ESR1: variants seen among roughly 807,000 people sequenced by gnomAD.
The protein encoded by ESR1 is estrogen receptor 1, also known as estrogen receptor.
A neutral mutation model predicts 52.7 loss-of-function variants in ESR1; 12 were observed. That is an observed-to-expected ratio of 0.23 (90% CI 0.15 to 0.37). The LOEUF is 0.37. Ranked by LOEUF, ESR1 falls within the 10% of genes least tolerant of loss-of-function variation. The pLI is 1.00. For synonymous variants in ESR1, 305 were observed against 316.8 expected (o/e 0.96, Z 0.39); for missense variants, 584 against 779.7 (o/e 0.75, Z 2.99).
chr6:151,658,022 C>T (rs851970), intron 1 of ESR1, among the ~76,000 whole-genome samples: 108,202 of 152,056 alleles, frequency 0.71, 40,115 homozygotes, highest in African/African-American at 0.93. Context: ...TTTTGTTTAA[C>T]GATTTTTCTT....
rs547905550 is a variant in ESR1, at chr6:151,993,808, T to C, written c.1097-17848T>C. Reference sequence around the variant, plus strand: ...TCTTGCCCAAGGCCACACGGCTTCTTAGTGGAGAAGCCAGGATCTGCACCA... The same window carrying C: ...TCTTGCCCAAGGCCACACGGCTTCTCAGTGGAGAAGCCAGGATCTGCACCA... On this transcript the variant is annotated intron_variant, in intron 4 of 7. Coordinates refer to ENST00000206249, the MANE Select transcript of ESR1 (RefSeq NM_000125.4). Among the ~76,000 whole-genome samples, 4 of 152,298 alleles carry C rather than the reference T, an allele frequency of 2.6e-5. No homozygotes were observed. In the East Asian group the frequency reaches 7.7e-4, roughly 29 times the overall value.
Position 151,900,952 on chromosome 6 carries a change from G to A in ESR1, c.760+20181G>A, listed in dbSNP as rs56728428. 5.8e-4 allele frequency among the ~76,000 whole-genome samples: 89 copies of A among 152,344 alleles called. No homozygotes were observed. In the Middle Eastern group the frequency reaches 0.01, roughly 17 times the overall value. ...CAGGAGGTGGCACTTTCAAGACAGC[G>A]TCAGCTGTGGTAGTATAGGGAGGAT... On this transcript the variant is annotated intron_variant, in intron 3 of 7. Coordinates refer to ENST00000206249, the MANE Select transcript of ESR1 (RefSeq NM_000125.4).
intron 2 of ESR1, among the ~76,000 whole-genome samples, chr6:151,796,001 A>G (rs1015766908): frequency 2.0e-5 from 3 of 151,706 alleles, no homozygotes; most frequent in Non-Finnish European, 4.4e-5. Context: ...ACCAAAAAAA[A>G]AAAACCAAAA....
intron 1 of ESR1, among the ~76,000 whole-genome samples, chr6:151,669,437 C>T (rs1311195420): frequency 5.3e-5 from 8 of 152,024 alleles, no homozygotes; most frequent in Non-Finnish European, 5.9e-5. Context: ...GCTCATGAAA[C>T]CTGCTCAAGA....
intron 2 of ESR1, among the ~76,000 whole-genome samples, chr6:151,877,012 C>A (rs1377429258): frequency 6.6e-6 from 1 of 151,576 alleles, no homozygotes; most frequent in Non-Finnish European, 1.5e-5. Flanking sequence ...ACTAAGACAA[C>A]TGGTGTGAGT....
Position 151,808,480 on chromosome 6 carries a change from G to C in ESR1, c.452+116G>C. On this transcript the variant is annotated intron_variant, in intron 1 of 7. Coordinates refer to ENST00000206249, the MANE Select transcript of ESR1 (RefSeq NM_000125.4). ...GCGGGAGCCGCGGGACGCGCGACCC[G>C]AGGGTGCGCGCAGGGAGCCCGGGGC... 3 of 955,866 alleles carry C rather than the reference G, an allele frequency of 3.1e-6. No individual in the cohort carries two copies. The East Asian group carries it at 9.7e-5, about 31-fold the overall frequency. 59.2% of individuals were successfully genotyped at this position (955,866 alleles called of 1,614,324 possible). A position where few individuals can be genotyped will look rare whatever the true frequency, so the allele number is the denominator to read the frequency against.
At chr6:152,031,779 A>G (rs1204937749) in intron 5 of ESR1, among the ~76,000 whole-genome samples, 1 of 152,212 alleles carries the variant, frequency 6.6e-6, no homozygotes, top group Non-Finnish European at 1.5e-5. Context: ...AATCCTCCCT[A>G]ACTCATTTTA....
intron 2 of ESR1, among the ~76,000 whole-genome samples, chr6:151,764,367 A>G (rs1314840475): frequency 2.0e-5 from 3 of 152,102 alleles, no homozygotes; most frequent in Non-Finnish European, 2.9e-5. Flanking sequence ...TATGTTATAG[A>G]TTGGAAGAAG....
chr6:151,746,255 A>C (rs1015055661), intron 2 of ESR1, among the ~76,000 whole-genome samples: 1 of 152,220 alleles, frequency 6.6e-6, no homozygotes, highest in Non-Finnish European at 1.5e-5. Context: ...TTAGGATTGC[A>C]GGATCAGATG....
chr6:151,715,746 A>G (rs994313718), intron 2 of ESR1, among the ~76,000 whole-genome samples: 4 of 151,870 alleles, frequency 2.6e-5, no homozygotes, highest in African/African-American at 9.7e-5. Context: ...TCCTTTTTTC[A>G]AGGTTCTTAG....
chr6:152,019,866 T>C (rs1210572633), intron 5 of ESR1, among the ~76,000 whole-genome samples: 1 of 152,148 alleles, frequency 6.6e-6, no homozygotes, highest in African/African-American at 2.4e-5. Context: ...TTTGTGTTAG[T>C]TAGGATTCAG....
chr6:151,684,026 T>C (rs1312098783), intron 1 of ESR1, among the ~76,000 whole-genome samples: 4 of 152,090 alleles, frequency 2.6e-5, no homozygotes, highest in African/African-American at 9.7e-5. Flanking sequence ...GTCATACAAT[T>C]CATTTGTCTC....
chr6:151,756,081 A>G (rs746185393), intron 2 of ESR1, among the ~76,000 whole-genome samples: 2 of 151,830 alleles, frequency 1.3e-5, no homozygotes, highest in Non-Finnish European at 2.9e-5. Flanking sequence ...TCTGTTTGCT[A>G]TTTCCTCAAG....
chr6:152,060,852 A>T, intron 5 of ESR1, 139 bp from the exon 6 acceptor site: 1 of 678,886 alleles, frequency 1.5e-6, no homozygotes, highest in Non-Finnish European at 2.5e-6. Context: ...ATATTCCATG[A>T]AGACAATGGC....
Position 152,122,141 on chromosome 6 carries a change from A to G in ESR1, c.851-3125A>G, listed in dbSNP as rs886061190. On this transcript the variant is annotated intron_variant, in intron 6 of 6. Transcript: ENST00000427531. Reference sequence around the variant, plus strand: ...TGTGCACAGAATGGGCCAAGGGCCCAGAATTCATGAGTCCGGGGAACTTTG... The same window carrying G: ...TGTGCACAGAATGGGCCAAGGGCCCGGAATTCATGAGTCCGGGGAACTTTG... 1 of 436,316 alleles carries G rather than the reference A, an allele frequency of 2.3e-6. No homozygotes were observed. Among genetic ancestry groups the G allele is most frequent in the Non-Finnish European group, 4.3e-6 (1 of 234,416 alleles). 27.0% of individuals were successfully genotyped at this position (436,316 alleles called of 1,614,324 possible).
chr6:152,078,736 G>C (rs192856675), intron 6 of ESR1, among the ~76,000 whole-genome samples: 1 of 152,354 alleles, frequency 6.6e-6, no homozygotes, highest in East Asian at 1.9e-4. Context: ...AGCTGTGACA[G>C]ACTGTAGCTG....
chr6:152,007,397 G>T (rs1352119511), intron 4 of ESR1, among the ~76,000 whole-genome samples: 1 of 151,994 alleles, frequency 6.6e-6, no homozygotes, highest in Non-Finnish European at 1.5e-5. Context: ...GAAGCTATAA[G>T]TAGTGAGCTG....
rs550855394 is a variant in ESR1, at chr6:151,774,888, G to T, written c.-70-32955G>T. ...ATATAAATAACTAACTATAAATAAA[G>T]AGCTCTACATTCAAACTGCTTTTCA... On this transcript the variant is annotated intron_variant, in intron 2 of 2. Transcript: ENST00000404742. 1.3e-4 allele frequency among the ~76,000 whole-genome samples: 20 copies of T among 152,142 alleles called. No homozygotes were observed. In the East Asian group the frequency reaches 3.7e-3, roughly 28 times the overall value.
intron 2 of ESR1, among the ~76,000 whole-genome samples, chr6:151,864,103 A>G (rs1025108949): frequency 6.6e-6 from 1 of 152,232 alleles, no homozygotes; most frequent in African/African-American, 2.4e-5. Context: ...TTGCTGGGGT[A>G]TCTGAAGACT....
Sources: gnomAD v4.1 joint callset for allele counts (sites outside exome capture counted in the v4.1 genomes callset) on GRCh38, gnomAD v4.1.1 for gene constraint, MANE v1.5 for transcripts, NCBI Gene and HGNC (gene_info 2026-07-23, HGNC 2026-07-21) for gene names.